Variants in RBM12B observed in about 807,000 individuals in gnomAD.
RBM12B encodes RNA-binding protein 12B.
RBM12B carries 10 observed loss-of-function variants against 34.3 expected under a neutral mutation model. The observed-to-expected ratio is 0.29, with a 90% CI of 0.18 to 0.49. The LOEUF (loss-of-function observed/expected upper bound fraction) is 0.49, where lower values mean the gene tolerates loss of function less well. Ranked by LOEUF, RBM12B falls within the 20% of genes least tolerant of loss-of-function variation. RBM12B has a pLI of 0.99. For synonymous variants in RBM12B, 477 were observed against 437.1 expected, an observed-to-expected ratio of 1.09 and a Z score of -1.14; for missense variants, 1,139 against 1,262.7, an observed-to-expected ratio of 0.90 and a Z score of 1.48.
Position 93,734,850 on chromosome 8 carries a change from C to T in RBM12B, c.1561G>A (p.Val521Ile). 6.2e-7 allele frequency: 1 copy of T among 1,614,130 alleles called. No homozygotes were observed. Among genetic ancestry groups the T allele is most frequent in the Non-Finnish European group, 8.5e-7 (1 of 1,179,998 alleles). Residue 521 changes from valine (V) to isoleucine (I), a missense_variant, in exon 4 of 4, where the codon GTT becomes ATT. Val to Ile is a conservative substitution (Grantham distance 29, BLOSUM62 3). This residue lies in a region of RBM12B where 863 missense variants were observed against 869.5 expected (regional missense o/e 0.99). Coordinates refer to ENST00000520560, the MANE Select transcript of RBM12B (RefSeq NM_001377960.1). ...FDSKDPPIYS[V>I]GAFENFRHQL... ...TGTCTAAAGTTTTCAAAAGCACCAA[C>T]TGAGTATATTGGTGGGTCTTTTGAG...
In RBM12B at chr8:93,735,201, T is replaced by C. The variant is rs774967904; in HGVS notation, c.1210A>G (p.Ile404Val). The change falls in exon 4 of 4, where the codon ATA (isoleucine) becomes GTA (valine). Residue 404 changes from isoleucine to valine, a missense_variant. This residue lies in a region of RBM12B where 863 missense variants were observed against 869.5 expected (regional missense o/e 0.99). Transcript: ENST00000520560. ...GNSGQKLCIY[I>V]RNFPFDVTKV... ...GTAACATCAAATGGAAAATTTCTTA[T>C]ATAGATGCACAGTTTCTGGCCAGAG... 4 of 1,614,146 alleles carry C rather than the reference T, an allele frequency of 2.5e-6. No homozygotes were observed. The highest frequency in any genetic ancestry group is 1.7e-5 in the Admixed American group (1 of 60,028).
In RBM12B at chr8:93,733,144, T is replaced by C. The variant is rs765990056; in HGVS notation, c.*261A>G. 44 of 252,556 alleles carry C rather than the reference T, an allele frequency of 1.7e-4. No homozygotes were observed. The highest frequency in any genetic ancestry group is 1.8e-4 in the African/African-American group (8 of 44,918). 15.6% of individuals were successfully genotyped at this position (252,556 alleles called of 1,614,324 possible). ...TACCGATGACATCAACAAAAATGAA[T>C]GAACTCAGGGAATGAGTTCTTTCTC... is the stretch of plus-strand genomic sequence containing the variant. On this transcript the variant is annotated 3_prime_UTR_variant, in exon 4 of 4. Transcript: ENST00000520560.
At chr8:93,738,821 T>A (rs979848528) in intron 2 of RBM12B, 1 of 152,190 alleles carries the variant, frequency 6.6e-6, no homozygotes, top group Non-Finnish European at 1.5e-5. Context: ...ATCCAGTACT[T>A]ACACTTAAGT....
rs1401955018 is a variant in RBM12B at position 93,730,983 on chromosome 8, A to G, written c.*2422T>C. The G allele has an allele frequency of 6.6e-6, 1 of 152,212 alleles. No individual in the cohort carries two copies. Among genetic ancestry groups the G allele is most frequent in the Non-Finnish European group, 1.5e-5 (1 of 68,070 alleles). 9.4% of individuals were successfully genotyped at this position (152,212 alleles called of 1,614,324 possible). A position where few individuals can be genotyped will look rare whatever the true frequency, so the allele number is the denominator to read the frequency against. On this transcript the variant is annotated 3_prime_UTR_variant, in exon 4 of 4. Transcript: ENST00000520560. ...TGAGAACAGCCTGGGCAACACAGTG[A>G]GACTCTGTCTCTACAAATAATAAAA... is the stretch of plus-strand genomic sequence containing the variant.
At position 93,734,457 on chromosome 8, in the gene RBM12B, T is replaced by G. The variant is rs1811934665; in HGVS notation, c.1954A>C (p.Arg652=). 1 of 1,605,052 alleles carries G rather than the reference T, an allele frequency of 6.2e-7. No individual in the cohort carries two copies. Among genetic ancestry groups the G allele is most frequent in the Non-Finnish European group, 8.5e-7 (1 of 1,174,426 alleles). ...DFRQLPEEDF[R]QPPEEDLRWL... is the part of the protein sequence containing the mutation. The stretch of plus-strand genomic sequence containing the variant: ...CTTAAGTCCTCCTCAGGGGGTTGCC[T>G]GAAGTCCTCCTCGGGGAGCTGCCTG... Residue 652 remains arginine, a synonymous_variant, in exon 4 of 4, where the codon AGG becomes CGG. Coordinates refer to ENST00000520560, the MANE Select transcript of RBM12B (RefSeq NM_001377960.1).
chr8:93,734,427 G>T lies in RBM12B; in HGVS notation c.1984C>A (p.Leu662Ile). The T allele has an allele frequency of 1.9e-6, 3 of 1,613,452 alleles. No individual in the cohort carries two copies. The highest frequency in any genetic ancestry group is 2.5e-6 in the Non-Finnish European group (3 of 1,179,784). Residue 662 changes from leucine (L) to isoleucine (I), a missense_variant, in exon 4 of 4, where the codon CTC becomes ATC. By Grantham distance (5) the Leu-to-Ile change is conservative (BLOSUM62 2). Coordinates refer to ENST00000520560, the MANE Select transcript of RBM12B (RefSeq NM_001377960.1). ...GGCCGCCTGAAATCTTCCTCTGGGA[G>T]CCACCTTAAGTCCTCCTCAGGGGGT... is the stretch of plus-strand genomic sequence containing the variant. ...RQPPEEDLRW[L>I]PEEDFRRPPE...
In RBM12B at chr8:93,736,139, A is replaced by G. The variant is rs1379883691; in HGVS notation, c.272T>C (p.Val91Ala). The G allele has an allele frequency of 6.2e-7, 1 of 1,614,076 alleles. No homozygotes were observed. The highest frequency in any genetic ancestry group is 8.5e-7 in the Non-Finnish European group (1 of 1,180,034). Residue 91 changes from valine to alanine, a missense_variant, in exon 4 of 4, where the codon GTA becomes GCA. By Grantham distance (64) the Val-to-Ala change is moderately conservative (BLOSUM62 0). This residue lies in a region of RBM12B where 216 missense variants were observed against 292.2 expected (regional missense o/e 0.74). Coordinates refer to ENST00000520560, the MANE Select transcript of RBM12B (RefSeq NM_001377960.1). ...CCCAGATCCTGGACGCCCTCTTCCT[A>G]CACGATCAGTTCTTTTCATTTCTAT... ...KTIEMKRTDRVGRGRPGSGTS... is the reference protein window; with the variant it reads ...KTIEMKRTDRAGRGRPGSGTS...
At position 93,735,646 on chromosome 8, in the gene RBM12B, T is replaced by C. The variant is rs776221614; in HGVS notation, c.765A>G (p.Pro255=). 3.1e-6 allele frequency: 5 copies of C among 1,614,120 alleles called. No individual in the cohort carries two copies. Among genetic ancestry groups the C allele is most frequent in the South Asian group, 2.2e-5 (2 of 91,080 alleles). Reference sequence around the variant, plus strand: ...AATGTCTATCATTAATTCCTCTTGGTGGAGAATGTTCTTCAGATCTCCTAA... The same window carrying C: ...AATGTCTATCATTAATTCCTCTTGGCGGAGAATGTTCTTCAGATCTCCTAA... The part of the protein sequence containing the change: ...DVLRRSEEHS[P]PRGINDRHFR... Residue 255 remains proline (P), a synonymous_variant, in exon 4 of 4, where the codon CCA becomes CCG. Transcript: ENST00000520560.
Position 93,735,343 on chromosome 8 carries a change from A to G in RBM12B, c.1068T>C (p.Asp356=). The G allele has an allele frequency of 1.9e-6, 3 of 1,614,000 alleles. No individual in the cohort carries two copies. The highest frequency in any genetic ancestry group is 2.5e-6 in the Non-Finnish European group (3 of 1,180,024). ...TVLQYRPVHI[D]PISRKQMLKF... ...TCAGCATTTGTTTTCTAGAAATTGGATCAATATGAACTGGACGATATTGTA... is the reference window on the plus strand; with the variant it reads ...TCAGCATTTGTTTTCTAGAAATTGGGTCAATATGAACTGGACGATATTGTA... Residue 356 remains aspartate, a synonymous_variant, in exon 4 of 4, where the codon GAT becomes GAC. Transcript: ENST00000520560.
chr8:93,740,657 C>G lies in RBM12B; in HGVS notation c.-106G>C, dbSNP rs1211141305. On this transcript the variant is annotated 5_prime_UTR_variant, in exon 2 of 4. The change abolishes the stop of an existing upstream ORF in the 5' untranslated region. Coordinates refer to ENST00000520560, the MANE Select transcript of RBM12B (RefSeq NM_001377960.1). The stretch of plus-strand genomic sequence containing the variant: ...TGAAATCCTTCGAGATCTTCACTCT[C>G]AAGATCCCTGGGAAGCGCACATACA... 6.0e-5 allele frequency: 23 copies of G among 380,276 alleles called. No homozygotes were observed. In the Admixed American group the frequency reaches 6.9e-4, roughly 11 times the overall value. The allele number at this position is 380,276 out of a possible 1,614,324, so 23.6% of individuals were successfully genotyped here. A position where few individuals can be genotyped will look rare whatever the true frequency, so the allele number is the denominator to read the frequency against.
rs1462018466 is a variant in RBM12B at position 93,734,657 on chromosome 8, T to G, written c.1754A>C (p.Glu585Ala). ...CTCCTCAGAAGGCCGCCTGAAGTCTTCCTCCCTAGGTCGCCTGAAGTCCTC... is the reference window on the plus strand; with the variant it reads ...CTCCTCAGAAGGCCGCCTGAAGTCTGCCTCCCTAGGTCGCCTGAAGTCCTC... Reference protein sequence around the residue: ...SPEDFRRPREEDFRRPSEEDF... With the variant: ...SPEDFRRPREADFRRPSEEDF... Residue 585 changes from glutamate to alanine, a missense_variant, in exon 4 of 4, where the codon GAA becomes GCA. By Grantham distance (107) the Glu-to-Ala change is moderately radical. Transcript: ENST00000520560. The G allele has an allele frequency of 8.7e-6, 14 of 1,613,850 alleles. No individual in the cohort carries two copies. Among genetic ancestry groups the G allele is most frequent in the African/African-American group, 1.3e-5 (1 of 74,944 alleles).
Position 93,733,733 on chromosome 8 carries a change from C to T in RBM12B, c.2678G>A (p.Gly893Asp). The change falls in exon 4 of 4, where the codon GGT becomes GAT. Residue 893 changes from glycine (G) to aspartate (D), a missense_variant. Transcript: ENST00000520560. ...RPFVNFGRPE[G>D]GKFDFGKHNM... ...ATGCTTTCCAAAATCAAACTTGCCA[C>T]CTTCTGGGCGACCAAAATTCACAAA... 2 of 1,614,148 alleles carry T rather than the reference C, an allele frequency of 1.2e-6. No individual in the cohort carries two copies. The highest frequency in any genetic ancestry group is 2.2e-5 in the South Asian group (2 of 91,082).
rs1426554962 is a variant in RBM12B, at chr8:93,731,938, A to G, written c.*1467T>C. 3.3e-5 allele frequency: 5 copies of G among 152,362 alleles called. No homozygotes were observed. Among genetic ancestry groups the G allele is most frequent in the African/African-American group, 1.2e-4 (5 of 41,338 alleles). 9.4% of individuals were successfully genotyped at this position (152,362 alleles called of 1,614,324 possible). A position where few individuals can be genotyped will look rare whatever the true frequency, so the allele number is the denominator to read the frequency against. ...TAATGTTTGAGCTCAGTGTTTGAGCATGCTGGTTTTACCTATTTATGCTAA... is the reference window on the plus strand; with the variant it reads ...TAATGTTTGAGCTCAGTGTTTGAGCGTGCTGGTTTTACCTATTTATGCTAA... On this transcript the variant is annotated 3_prime_UTR_variant, in exon 4 of 4. Transcript: ENST00000520560.
chr8:93,735,175 T>G lies in RBM12B; in HGVS notation c.1236A>C (p.Thr412=), dbSNP rs771616362. ...IYIRNFPFDV[T]KVEVQKFFAD... ...CAAAGAACTTCTGCACTTCAACTTT[T>G]GTAACATCAAATGGAAAATTTCTTA... The change falls in exon 4 of 4, where the codon ACA becomes ACC. Residue 412 remains threonine, a synonymous_variant. Coordinates refer to ENST00000520560, the MANE Select transcript of RBM12B (RefSeq NM_001377960.1). The G allele has an allele frequency of 6.2e-7, 1 of 1,614,024 alleles. No individual in the cohort carries two copies. The highest frequency in any genetic ancestry group is 1.3e-5 in the African/African-American group (1 of 74,936).
rs1315501905 is a variant in RBM12B at position 93,732,096 on chromosome 8, TG to T, written c.*1308del. 1 of 152,206 alleles carries T rather than the reference TG, an allele frequency of 6.6e-6. No homozygotes were observed. The highest frequency in any genetic ancestry group is 1.5e-5 in the Non-Finnish European group (1 of 68,024). 9.4% of individuals were successfully genotyped at this position (152,206 alleles called of 1,614,324 possible). Reference sequence around the variant, plus strand: ...CATGAACTGGAGTCAGTGGTCTGTCTGGGTTAAAATTGGCCCCACGATTTAC... The same window carrying T: ...CATGAACTGGAGTCAGTGGTCTGTCTGGTTAAAATTGGCCCCACGATTTAC... On this transcript the variant is annotated 3_prime_UTR_variant, in exon 4 of 4. Transcript: ENST00000520560.
rs1563659580 is a variant in RBM12B, at chr8:93,734,072, CG to C, written c.2338del (p.Arg780GlyfsTer107). On this transcript the variant is annotated frameshift_variant, in exon 4 of 4. Coordinates refer to ENST00000520560, the MANE Select transcript of RBM12B (RefSeq NM_001377960.1). LOFTEE classifies it high-confidence loss of function. ...CCTGAAATGCTCCTGGGGCGGTCTC[CG>C]GAAGTGCTCCGGGGGCGGGCGCCTG... ...HFRRPPPEHF[R>X]RPPQEHFRRP... 1 of 1,575,148 alleles carries C rather than the reference CG, an allele frequency of 6.3e-7. No individual in the cohort carries two copies. Among genetic ancestry groups the C allele is most frequent in the Non-Finnish European group, 8.6e-7 (1 of 1,163,822 alleles).
intron 3 of RBM12B, 60 bp from the exon 4 acceptor site, chr8:93,736,498 C>T (rs1349433836): frequency 7.5e-7 from 1 of 1,332,306 alleles, no homozygotes. Context: ...TTAGCCCAAA[C>T]TAAGCTTAAT....
Position 93,731,934 on chromosome 8 carries a change from G to A in RBM12B, c.*1471C>T, listed in dbSNP as rs891218248. 6.6e-6 allele frequency: 1 copy of A among 152,168 alleles called. No homozygotes were observed. Among genetic ancestry groups the A allele is most frequent in the Admixed American group, 6.6e-5 (1 of 15,232 alleles). The allele number at this position is 152,168 out of a possible 1,614,324, so 9.4% of individuals were successfully genotyped here. A position where few individuals can be genotyped will look rare whatever the true frequency, so the allele number is the denominator to read the frequency against. Reference sequence around the variant, plus strand: ...ATGTTAATGTTTGAGCTCAGTGTTTGAGCATGCTGGTTTTACCTATTTATG... The same window carrying A: ...ATGTTAATGTTTGAGCTCAGTGTTTAAGCATGCTGGTTTTACCTATTTATG... On this transcript the variant is annotated 3_prime_UTR_variant, in exon 4 of 4. Coordinates refer to ENST00000520560, the MANE Select transcript of RBM12B (RefSeq NM_001377960.1).
chr8:93,734,046 G>A lies in RBM12B; in HGVS notation c.2365C>T (p.Arg789Trp), dbSNP rs762596490. Residue 789 changes from arginine (R) to tryptophan (W), a missense_variant, in exon 4 of 4, where the codon CGG becomes TGG. Around this residue, in one of 3 missense-constraint regions of RBM12B, gnomAD observed 863 missense variants for 869.5 expected, o/e 0.99. Coordinates refer to ENST00000520560, the MANE Select transcript of RBM12B (RefSeq NM_001377960.1). ...CGCCTGAAATGCTCCTGAGGCGGCC[G>A]CCTGAAATGCTCCTGGGGCGGTCTC... ...FRRPPQEHFR[R>W]PPQEHFRRSR... The A allele has an allele frequency of 1.2e-4, 193 of 1,592,176 alleles. No homozygotes were observed. Among genetic ancestry groups the A allele is most frequent in the Non-Finnish European group, 1.6e-4 (189 of 1,172,344 alleles).
Sources: gnomAD v4.1 joint callset for allele counts on GRCh38, gnomAD v4.1.1 for gene constraint, gnomAD v4.1.1 regional missense constraint, MANE v1.5 for transcripts, NCBI Gene and HGNC (gene_info 2026-07-23, HGNC 2026-07-21) for gene names.